ABLIM1: variants seen among roughly 807,000 people sequenced by gnomAD.
ABLIM1 encodes the protein actin-binding LIM protein 1.
Under a neutral mutation model 107.0 loss-of-function variants are expected in ABLIM1, and 40 were observed. The ratio of observed to expected loss-of-function variants is 0.37; its 90% CI spans 0.29 to 0.49. ABLIM1 has a LOEUF of 0.49. Ranked by LOEUF, ABLIM1 falls within the 20% of genes least tolerant of loss-of-function variation. The probability of loss-of-function intolerance (pLI) is 0.97; values close to 1 mark genes in which losing one functional copy is unlikely to be tolerated. For synonymous variants in ABLIM1, 357 were observed against 357.3 expected, an observed-to-expected ratio of 1.00 and a Z score of 0.01; for missense variants, 857 against 1,008.5, an observed-to-expected ratio of 0.85 and a Z score of 2.04.
intron 1 of ABLIM1, among the ~76,000 whole-genome samples, chr10:114,647,600 C>G (rs924687699): frequency 6.6e-5 from 10 of 152,188 alleles, no homozygotes; most frequent in African/African-American, 2.4e-4. Context: ...AGCTGTGGCC[C>G]TAGCTATTTG....
At chr10:114,703,574 GC>G (rs1055225497) in intron 1 of ABLIM1, among the ~76,000 whole-genome samples, 4 of 152,156 alleles carry the variant, frequency 2.6e-5, no homozygotes, top group Non-Finnish European at 5.9e-5. Flanking sequence ...AGTACAAGGT[GC>G]CCACCTCTCC....
chr10:114,668,205 A>T (rs2141347649), intron 1 of ABLIM1, among the ~76,000 whole-genome samples: 1 of 152,312 alleles, frequency 6.6e-6, no homozygotes, highest in Admixed American at 6.5e-5. Flanking sequence ...TCAGCATTTG[A>T]GAGGAGGAAG....
intron 1 of ABLIM1, among the ~76,000 whole-genome samples, chr10:114,645,148 G>C (rs904956010): frequency 2.6e-5 from 4 of 152,136 alleles, no homozygotes; most frequent in African/African-American, 7.2e-5. Flanking sequence ...CCATACCTCC[G>C]TGGCACTCGC....
chr10:114,695,398 T>G (rs1463270808), intron 1 of ABLIM1, among the ~76,000 whole-genome samples: 1 of 152,162 alleles, frequency 6.6e-6, no homozygotes, highest in Admixed American at 6.5e-5. Flanking sequence ...ATCCCCATTT[T>G]ATAGAGGAGA....
intron 1 of ABLIM1, among the ~76,000 whole-genome samples, chr10:114,753,765 C>T (rs917541050): frequency 1.3e-5 from 2 of 152,142 alleles, no homozygotes; most frequent in Non-Finnish European, 2.9e-5. Context: ...AGCCCACCAA[C>T]GAACACAATG....
At chr10:114,716,553 G>A (rs1485299884) in intron 1 of ABLIM1, among the ~76,000 whole-genome samples, 1 of 152,112 alleles carries the variant, frequency 6.6e-6, no homozygotes, top group East Asian at 1.9e-4. Context: ...TACAACGGAT[G>A]TTTTCTTAAG....
intron 1 of ABLIM1, among the ~76,000 whole-genome samples, chr10:114,678,421 T>G (rs1295034105): frequency 6.6e-6 from 1 of 152,238 alleles, no homozygotes; most frequent in African/African-American, 2.4e-5. Context: ...AAACCACGGA[T>G]TCTTTTTCAA....
chr10:114,539,775 T>C (rs190531133), intron 6 of ABLIM1, among the ~76,000 whole-genome samples: 1 of 152,250 alleles, frequency 6.6e-6, no homozygotes, highest in African/African-American at 2.4e-5. Context: ...AAGAAATGCA[T>C]TCCAAAGAGA....
intron 4 of ABLIM1, among the ~76,000 whole-genome samples, chr10:114,557,022 A>G (rs185594017): frequency 6.6e-5 from 10 of 152,364 alleles, no homozygotes; most frequent in African/African-American, 1.9e-4. Flanking sequence ...CCAGAAAAGC[A>G]ATACAAGGTC....
chr10:114,785,818 T>C, the ABLIM1 span, among the ~76,000 whole-genome samples: 2 of 152,322 alleles, frequency 1.3e-5, no homozygotes, highest in East Asian at 3.9e-4. Flanking sequence ...AACCTCCACC[T>C]CTTGGGTTCA....
chr10:114,495,360 T>C (rs2059527450), intron 6 of ABLIM1, among the ~76,000 whole-genome samples: 1 of 152,022 alleles, frequency 6.6e-6, no homozygotes, highest in African/African-American at 2.4e-5. Context: ...GGAACCTCTA[T>C]TGTAAAGTAG....
At position 114,741,724 on chromosome 10, in the gene ABLIM1, A is replaced by G. The variant is rs192421509; in HGVS notation, c.-213+26337T>C. Reference sequence around the variant, plus strand: ...ATCAAGGAGTTCACAAAATAAGTATATGGATAAAGGTTAGATTTATGACTA... The same window carrying G: ...ATCAAGGAGTTCACAAAATAAGTATGTGGATAAAGGTTAGATTTATGACTA... On this transcript the variant is annotated intron_variant, in intron 1 of 15. Transcript: ENST00000651092. 3.4e-3 allele frequency among the ~76,000 whole-genome samples: 522 copies of G among 152,354 alleles called. 3 individuals carry two copies. The highest frequency in any genetic ancestry group is 0.012 in the African/African-American group (496 of 41,582).
chr10:114,497,366 T>G (rs1324944398), intron 6 of ABLIM1, among the ~76,000 whole-genome samples: 1 of 152,042 alleles, frequency 6.6e-6, no homozygotes, highest in Non-Finnish European at 1.5e-5. Flanking sequence ...CTTTGTACCC[T>G]GCTCCTTAAA....
At chr10:114,791,221 A>G in the ABLIM1 span, among the ~76,000 whole-genome samples, 1 of 152,188 alleles carries the variant, frequency 6.6e-6, no homozygotes, top group Admixed American at 6.5e-5. Context: ...AGCTAAGACT[A>G]CAGGCCTGTG....
intron 1 of ABLIM1, among the ~76,000 whole-genome samples, chr10:114,709,657 T>C (rs903379295): frequency 2.6e-5 from 4 of 152,218 alleles, no homozygotes; most frequent in East Asian, 1.9e-4. Context: ...TTTCTCTACA[T>C]AGAAAAAACT....
chr10:114,565,868 C>T (rs1471720016), intron 4 of ABLIM1, among the ~76,000 whole-genome samples: 2 of 134,770 alleles, frequency 1.5e-5, no homozygotes, highest in East Asian at 2.2e-4. Context: ...GATCTCGGCT[C>T]ACTGCAAGCT....
chr10:114,685,277 G>T (rs182151741), upstream of ABLIM1, among the ~76,000 whole-genome samples: 1 of 152,236 alleles, frequency 6.6e-6, no homozygotes, highest in Non-Finnish European at 1.5e-5. Context: ...ACACACATTG[G>T]CTAAGAAATA....
At chr10:114,649,310 G>A (rs1198829334) in intron 1 of ABLIM1, among the ~76,000 whole-genome samples, 1 of 151,834 alleles carries the variant, frequency 6.6e-6, no homozygotes, top group South Asian at 2.1e-4. Context: ...CGGAGGCACA[G>A]AGAATCGCTG....
chr10:114,458,243 T>C (rs1274286806), intron 12 of ABLIM1, among the ~76,000 whole-genome samples: 1 of 152,178 alleles, frequency 6.6e-6, no homozygotes, highest in Non-Finnish European at 1.5e-5. Flanking sequence ...CAAGCTACTA[T>C]ATTTCTATTT....
Sources: allele counts gnomAD v4.1 joint callset (sites outside exome capture counted in the v4.1 genomes callset), GRCh38; gene constraint gnomAD v4.1.1; transcripts MANE v1.5; gene names NCBI Gene and HGNC (gene_info 2026-07-23, HGNC 2026-07-21).